Variants in PPP1CB observed in about 807,000 individuals in gnomAD.
PPP1CB encodes serine/threonine-protein phosphatase PP1-beta catalytic subunit.
A neutral mutation model predicts 43.7 loss-of-function variants in PPP1CB; 2 were observed. The ratio of observed to expected loss-of-function variants is 0.05; its 90% CI spans 0.02 to 0.14. The LOEUF (loss-of-function observed/expected upper bound fraction) is 0.14, where lower values mean the gene tolerates loss of function less well. Among genes scored for constraint, PPP1CB ranks in the 10% least tolerant of loss-of-function variants. The probability of loss-of-function intolerance (pLI) is 1.00; values close to 1 mark genes in which losing one functional copy is unlikely to be tolerated. For synonymous variants in PPP1CB, 136 were observed against 135.6 expected (o/e 1.00, Z -0.02); for missense variants, 84 against 398.0 (o/e 0.21, Z 6.71).
At chr2:28,765,393 A>T (rs757188472) in intron 1 of PPP1CB, among the ~76,000 whole-genome samples, 2 of 152,244 alleles carry the variant, frequency 1.3e-5, no homozygotes, top group Non-Finnish European at 1.5e-5. Context: ...TTCTCCTGAT[A>T]CTTGCCTTTC....
chr2:28,763,553 A>G (rs924199857), intron 1 of PPP1CB, among the ~76,000 whole-genome samples: 9 of 152,182 alleles, frequency 5.9e-5, no homozygotes, highest in South Asian at 2.1e-4. Context: ...TTGTTTACCA[A>G]TGTACCTGAA....
rs1262532368 is a variant in PPP1CB at position 28,752,195 on chromosome 2, G to A, written c.52+19G>A. 1.4e-5 allele frequency: 22 copies of A among 1,537,124 alleles called. No individual in the cohort carries two copies. The highest frequency in any genetic ancestry group is 1.8e-5 in the Non-Finnish European group (21 of 1,139,524). On this transcript the variant is annotated intron_variant, in intron 1 of 7. Transcript: ENST00000395366. The stretch of plus-strand genomic sequence containing the variant: ...CTGGAGGGTGAGTGCGCGCCTGGCC[G>A]CGGGACAGAGGGAGGTCGGGCACCG...
At chr2:28,786,509 T>C (rs1205952501) in intron 5 of PPP1CB, among the ~76,000 whole-genome samples, 2 of 152,306 alleles carry the variant, frequency 1.3e-5, no homozygotes, top group East Asian at 3.9e-4. Context: ...GTGTCATGTT[T>C]CCTAAACCTC....
Position 28,793,853 on chromosome 2 carries a change from C to T in PPP1CB, c.745-10C>T. 1 of 1,613,366 alleles carries T rather than the reference C, an allele frequency of 6.2e-7. No individual in the cohort carries two copies. Among genetic ancestry groups the T allele is most frequent in the Non-Finnish European group, 8.5e-7 (1 of 1,179,534 alleles). On this transcript the variant is annotated splice_polypyrimidine_tract_variant and intron_variant, in intron 6 of 7. Transcript: ENST00000395366. ...ATAAATGTTTTTTCTTCTGACATTT[C>T]CTTTGACAGGTGGTGGAAGATGGAT... is the stretch of plus-strand genomic sequence containing the variant.
intron 4 of PPP1CB, 127 bp downstream of exon 4, chr2:28,781,969 T>C (rs1234112008): frequency 7.0e-6 from 5 of 713,250 alleles, no homozygotes; most frequent in Non-Finnish European, 1.3e-5. Context: ...TTAAAACTGT[T>C]TTAAACATGG....
Position 28,768,188 on chromosome 2 carries a change from G to A in PPP1CB, c.53-8663G>A, listed in dbSNP as rs141263168. Among the ~76,000 whole-genome samples, 1,019 of 152,220 alleles carry A rather than the reference G, an allele frequency of 6.7e-3. 10 individuals are homozygous for A. The highest frequency in any genetic ancestry group is 0.022 in the African/African-American group (906 of 41,524). On this transcript the variant is annotated intron_variant, in intron 1 of 7. Transcript: ENST00000395366. ...GGTTTTGATCTTTGACAAGGGAAGC[G>A]TATAGTGTGAGCTCACCAGTCACCC...
In PPP1CB at chr2:28,752,118, C is replaced by T. The variant is rs1480766244; in HGVS notation, c.-7C>T. On this transcript the variant is annotated 5_prime_UTR_variant, in exon 1 of 8. Transcript: ENST00000395366. ...CGCTGCTGGGAAGGAGAGTCTGTGC[C>T]GACAAGATGGCGGACGGGGAGCTGA... 75 of 1,549,788 alleles carry T rather than the reference C, an allele frequency of 4.8e-5. No homozygotes were observed. The highest frequency in any genetic ancestry group is 6.5e-5 in the Non-Finnish European group (74 of 1,146,200).
At chr2:28,797,616 C>T (rs1246488501) in intron 7 of PPP1CB, among the ~76,000 whole-genome samples, 1 of 151,902 alleles carries the variant, frequency 6.6e-6, no homozygotes, top group African/African-American at 2.4e-5. Flanking sequence ...TCTAGGTTTC[C>T]TAGTTTGTGT....
intron 4 of PPP1CB, among the ~76,000 whole-genome samples, chr2:28,783,629 C>A (rs191319260): frequency 1.1e-3 from 171 of 151,960 alleles, no homozygotes; most frequent in African/African-American, 4.0e-3. Flanking sequence ...TGGTGGCGCG[C>A]GTCTGTAGTC....
intron 1 of PPP1CB, among the ~76,000 whole-genome samples, chr2:28,771,049 C>T (rs1488256428): frequency 1.0e-5 from 1 of 98,880 alleles, no homozygotes; most frequent in African/African-American, 3.7e-5. Flanking sequence ...CTCCCCCCCC[C>T]CCACCCTTTT....
chr2:28,791,822 C>T (rs532491541), intron 6 of PPP1CB, among the ~76,000 whole-genome samples: 2 of 152,104 alleles, frequency 1.3e-5, no homozygotes, highest in Non-Finnish European at 1.5e-5. Context: ...GGTTTCTGAA[C>T]TACGCTAGTT....
At chr2:28,773,255 T>C (rs1266721918) in intron 1 of PPP1CB, among the ~76,000 whole-genome samples, 1 of 152,214 alleles carries the variant, frequency 6.6e-6, no homozygotes, top group African/African-American at 2.4e-5. Context: ...TGGGATTTTA[T>C]CTGGTCTGAA....
chr2:28,753,209 G>A (rs1666377948), intron 1 of PPP1CB, among the ~76,000 whole-genome samples: 1 of 107,806 alleles, frequency 9.3e-6, no homozygotes, highest in South Asian at 3.4e-4. Context: ...AAACAATTTA[G>A]AGGCCTCTTT....
rs924786903 is a variant in PPP1CB, at chr2:28,800,976, C to T, written c.*1673C>T. On this transcript the variant is annotated 3_prime_UTR_variant, in exon 8 of 8. Transcript: ENST00000395366. ...ATGCATATGTCTTTTTTTCTAATTCCGTTTTGTTTTAAAGCACATTTTAAA... is the reference window on the plus strand; with the variant it reads ...ATGCATATGTCTTTTTTTCTAATTCTGTTTTGTTTTAAAGCACATTTTAAA... 1.3e-5 allele frequency: 2 copies of T among 152,406 alleles called. No individual in the cohort carries two copies. Among genetic ancestry groups the T allele is most frequent in the East Asian group, 1.9e-4 (1 of 5,176 alleles). 9.4% of individuals were successfully genotyped at this position (152,406 alleles called of 1,614,324 possible).
At chr2:28,774,217 A>G (rs1288240494) in intron 1 of PPP1CB, among the ~76,000 whole-genome samples, 1 of 152,230 alleles carries the variant, frequency 6.6e-6, no homozygotes, top group African/African-American at 2.4e-5. Flanking sequence ...GACATATTGA[A>G]GTGACCCACA....
chr2:28,760,886 C>T (rs1375197778), intron 1 of PPP1CB, among the ~76,000 whole-genome samples: 2 of 152,056 alleles, frequency 1.3e-5, no homozygotes, highest in Non-Finnish European at 2.9e-5. Context: ...GCCAAACTAG[C>T]GAGACAAAAA....
At chr2:28,781,326 C>T (rs764346140) in intron 3 of PPP1CB, among the ~76,000 whole-genome samples, 1 of 152,122 alleles carries the variant, frequency 6.6e-6, no homozygotes, top group Non-Finnish European at 1.5e-5. Context: ...TGCATTACCT[C>T]AAAAAGTTAG....
At chr2:28,776,665 G>A (rs1172307250) in intron 1 of PPP1CB, among the ~76,000 whole-genome samples, 186 bp from the exon 2 acceptor site, 3 of 152,130 alleles carry the variant, frequency 2.0e-5, no homozygotes, top group Non-Finnish European at 4.4e-5. Flanking sequence ...GCATCATCAG[G>A]AACCAGTAAC....
intron 1 of PPP1CB, among the ~76,000 whole-genome samples, chr2:28,754,944 A>G (rs945002216): frequency 6.6e-6 from 1 of 152,108 alleles, no homozygotes; most frequent in Admixed American, 6.5e-5. Flanking sequence ...TTTCTTTTTT[A>G]CTGTATTAAA....
Sources: allele counts gnomAD v4.1 joint callset (sites outside exome capture counted in the v4.1 genomes callset), GRCh38; gene constraint gnomAD v4.1.1; transcripts MANE v1.5; gene names NCBI Gene and HGNC (gene_info 2026-07-23, HGNC 2026-07-21).